ITGA4: variants seen among roughly 807,000 people sequenced by gnomAD.
ITGA4 encodes the protein integrin subunit alpha 4.
A neutral mutation model predicts 133.6 loss-of-function variants in ITGA4; 63 were observed. The ratio of observed to expected loss-of-function variants is 0.47; its 90% confidence interval spans 0.38 to 0.58. The LOEUF is 0.58. Ranked by LOEUF, ITGA4 falls within the 20% of genes least tolerant of loss-of-function variation. The pLI is 0.00. For missense variants in ITGA4, 1,076 were observed against 1,252.7 expected, an observed-to-expected ratio of 0.86 and a Z score of 2.13; for synonymous variants, 483 against 438.0, an observed-to-expected ratio of 1.10 and a Z score of -1.28.
intron 15 of ITGA4, among the ~76,000 whole-genome samples, chr2:181,508,270 T>G (rs1686434186): frequency 6.6e-6 from 1 of 152,050 alleles, no homozygotes; most frequent in East Asian, 1.9e-4. Flanking sequence ...AAATGCTGTG[T>G]AGACATAAGA....
intron 15 of ITGA4, among the ~76,000 whole-genome samples, chr2:181,499,174 A>G (rs1686218062): frequency 6.6e-6 from 1 of 152,158 alleles, no homozygotes; most frequent in African/African-American, 2.4e-5. Flanking sequence ...TGTTTTTCAT[A>G]CGACTCCAGC....
intron 25 of ITGA4, 21 bp downstream of exon 25, chr2:181,531,797 G>T: frequency 6.4e-7 from 1 of 1,571,048 alleles, no homozygotes; most frequent in South Asian, 1.2e-5. Context: ...CTAAAACATT[G>T]ACAACTTGGT....
At position 181,458,331 on chromosome 2, in the gene ITGA4, G is replaced by T. The variant is rs757786969; in HGVS notation, c.319+14G>T. The stretch of plus-strand genomic sequence containing the variant: ...AGCTCCAGCTGGGTGAGTTGGGTAT[G>T]GGACCAGGAGTTAGTGACCTCCCGA... On this transcript the variant is annotated intron_variant, in intron 2 of 27. Transcript: ENST00000397033. 3.7e-6 allele frequency: 6 copies of T among 1,607,912 alleles called. No homozygotes were observed. The African/African-American group carries it at 8.0e-5, about 21-fold the overall frequency.
Position 181,493,433 on chromosome 2 carries a change from C to G in ITGA4, c.1248+14C>G. ...ACCTTCTCACAGGTAAGGTACTATTCTATTTCCAAAAGAAGCATTGGTTAT... is the reference window on the plus strand; with the variant it reads ...ACCTTCTCACAGGTAAGGTACTATTGTATTTCCAAAAGAAGCATTGGTTAT... On this transcript the variant is annotated intron_variant, in intron 11 of 27. Transcript: ENST00000397033. 6.6e-7 allele frequency: 1 copy of G among 1,520,972 alleles called. No homozygotes were observed. Among genetic ancestry groups the G allele is most frequent in the Non-Finnish European group, 9.0e-7 (1 of 1,105,056 alleles). 94.2% of individuals were successfully genotyped at this position (1,520,972 alleles called of 1,614,324 possible). A position where few individuals can be genotyped will look rare whatever the true frequency, so the allele number is the denominator to read the frequency against.
At position 181,537,425 on chromosome 2, in the gene ITGA4, ACTTT is replaced by A. The variant is rs765329921; in HGVS notation, c.*1899_*1902del. The A allele has an allele frequency of 2.2e-6, 1 of 453,930 alleles. No individual in the cohort carries two copies. Among genetic ancestry groups the A allele is most frequent in the South Asian group, 1.6e-5 (1 of 64,438 alleles). 28.1% of individuals were successfully genotyped at this position (453,930 alleles called of 1,614,324 possible). A position where few individuals can be genotyped will look rare whatever the true frequency, so the allele number is the denominator to read the frequency against. ...TCAAAATAGTATTTGTTATCAACTT[ACTTT>A]GTTACTTGTATCATGAATTTTAAAA... On this transcript the variant is annotated 3_prime_UTR_variant, in exon 28 of 28. Coordinates refer to ENST00000397033, the MANE Select transcript of ITGA4 (RefSeq NM_000885.6).
intron 21 of ITGA4, among the ~76,000 whole-genome samples, chr2:181,525,579 C>T (rs1393250114): frequency 6.6e-6 from 1 of 152,196 alleles, no homozygotes; most frequent in African/African-American, 2.4e-5. Flanking sequence ...CAGCTGTGCA[C>T]TGTGTAATCC....
At chr2:181,507,221 T>C (rs566028359) in intron 15 of ITGA4, among the ~76,000 whole-genome samples, 12 of 152,218 alleles carry the variant, frequency 7.9e-5, no homozygotes, top group Admixed American at 3.9e-4. Flanking sequence ...CTTGTTTCCG[T>C]GTAGGTGGGC....
Position 181,537,909 on chromosome 2 carries a change from T to A in ITGA4, c.*2382T>A. 1.8e-6 allele frequency: 1 copy of A among 570,906 alleles called. No individual in the cohort carries two copies. Among genetic ancestry groups the A allele is most frequent in the Non-Finnish European group, 3.3e-6 (1 of 301,304 alleles). 35.4% of individuals were successfully genotyped at this position (570,906 alleles called of 1,614,324 possible). A position where few individuals can be genotyped will look rare whatever the true frequency, so the allele number is the denominator to read the frequency against. ...TGGAGCATTACTGAGTTCCTCCCCC[T>A]GTCAGATCAGCAGCAGCATTAGATT... On this transcript the variant is annotated 3_prime_UTR_variant, in exon 28 of 28. Transcript: ENST00000397033.
At chr2:181,496,781 A>G (rs1227116209) in intron 14 of ITGA4, among the ~76,000 whole-genome samples, 2 of 152,234 alleles carry the variant, frequency 1.3e-5, no homozygotes, top group African/African-American at 4.8e-5. Context: ...CATATCATTT[A>G]GAGATTAATA....
chr2:181,536,801 A>G lies in ITGA4; in HGVS notation c.*1274A>G. 1 of 292,792 alleles carries G rather than the reference A, an allele frequency of 3.4e-6. No individual in the cohort carries two copies. Among genetic ancestry groups the G allele is most frequent in the Non-Finnish European group, 6.8e-6 (1 of 147,652 alleles). 18.1% of individuals were successfully genotyped at this position (292,792 alleles called of 1,614,324 possible). ...TTGTAATATTTATTTTATGCTTATG[A>G]TCTAGATAATTGCAGAATATCATTT... On this transcript the variant is annotated 3_prime_UTR_variant, in exon 28 of 28. Transcript: ENST00000397033.
At chr2:181,462,153 C>A (rs1685296833) in intron 2 of ITGA4, among the ~76,000 whole-genome samples, 1 of 152,128 alleles carries the variant, frequency 6.6e-6, no homozygotes, top group Non-Finnish European at 1.5e-5. Flanking sequence ...ATAACGCTAT[C>A]TCTTTAGGAG....
chr2:181,527,808 C>T (rs1167466206), intron 22 of ITGA4, among the ~76,000 whole-genome samples: 1 of 152,186 alleles, frequency 6.6e-6, no homozygotes, highest in Non-Finnish European at 1.5e-5. Context: ...TCTTACCTCC[C>T]ATCTCCATTT....
intron 20 of ITGA4, 38 bp downstream of exon 20, chr2:181,524,288 C>T: frequency 1.7e-6 from 2 of 1,160,416 alleles, no homozygotes; most frequent in Non-Finnish European, 2.5e-6. Flanking sequence ...TAGAAATATA[C>T]CCCCATATTC....
intron 17 of ITGA4, among the ~76,000 whole-genome samples, chr2:181,515,948 G>A (rs1686596246): frequency 6.6e-6 from 1 of 152,048 alleles, no homozygotes; most frequent in South Asian, 2.1e-4. Flanking sequence ...ATGAGTTTCT[G>A]AAGACTGCAA....
chr2:181,486,084 C>T, intron 10 of ITGA4, 92 bp downstream of exon 10: 1 of 1,464,672 alleles, frequency 6.8e-7, no homozygotes, highest in Non-Finnish European at 9.0e-7. Flanking sequence ...GTTTTCCTTC[C>T]TATAGAAGAT....
intron 9 of ITGA4, 27 bp from the exon 10 acceptor site, chr2:181,485,854 A>G: frequency 1.9e-6 from 3 of 1,555,456 alleles, no homozygotes; most frequent in East Asian, 4.5e-5. Flanking sequence ...TGTTATAATG[A>G]CACGTTTTCT....
At chr2:181,469,652 A>C (rs1271204317) in intron 2 of ITGA4, among the ~76,000 whole-genome samples, 1 of 152,190 alleles carries the variant, frequency 6.6e-6, no homozygotes, top group Non-Finnish European at 1.5e-5. Flanking sequence ...AATAGCAAAG[A>C]CTTGGAACCA....
chr2:181,478,107 G>T (rs1210012234), intron 4 of ITGA4, among the ~76,000 whole-genome samples: 2 of 152,054 alleles, frequency 1.3e-5, no homozygotes, highest in African/African-American at 4.8e-5. Context: ...TATTTTAAGT[G>T]AAATAAGCTA....
intron 9 of ITGA4, among the ~76,000 whole-genome samples, chr2:181,485,369 A>G (rs555480765): frequency 4.0e-5 from 6 of 150,624 alleles, no homozygotes; most frequent in African/African-American, 1.5e-4. Flanking sequence ...CTGGCATGCC[A>G]TTTCCTTTAT....
Sources: gnomAD v4.1 joint callset for allele counts (sites outside exome capture counted in the v4.1 genomes callset) on GRCh38, gnomAD v4.1.1 for gene constraint, MANE v1.5 for transcripts, NCBI Gene and HGNC (gene_info 2026-07-23, HGNC 2026-07-21) for gene names.